Variants in GRIN3A observed in about 807,000 individuals in gnomAD.
GRIN3A encodes glutamate receptor ionotropic, NMDA 3A.
GRIN3A carries 47 observed loss-of-function variants against 92.4 expected under a neutral mutation model. The ratio of observed to expected loss-of-function variants is 0.51; its 90% confidence interval spans 0.40 to 0.65. The LOEUF (loss-of-function observed/expected upper bound fraction) is 0.65, where lower values mean the gene tolerates loss of function less well. Among genes scored for constraint, GRIN3A ranks in the 30% least tolerant of loss-of-function variants. The pLI is 0.00. For synonymous variants in GRIN3A, 527 were observed against 540.6 expected, an observed-to-expected ratio of 0.97 and a Z score of 0.35; for missense variants, 1,324 against 1,393.1, an observed-to-expected ratio of 0.95 and a Z score of 0.79.
At chr9:101,644,878 A>C (rs1286171911) in intron 3 of GRIN3A, among the ~76,000 whole-genome samples, 1 of 151,800 alleles carries the variant, frequency 6.6e-6, no homozygotes. Flanking sequence ...ATTTTTTATT[A>C]ATAGAAAATA....
intron 5 of GRIN3A, among the ~76,000 whole-genome samples, chr9:101,617,223 A>G (rs943517734): frequency 2.0e-5 from 3 of 151,074 alleles, no homozygotes; most frequent in Non-Finnish European, 4.4e-5. Context: ...AAAAAAAAAA[A>G]AAAGAAAATT....
At position 101,589,088 on chromosome 9, in the gene GRIN3A, T is replaced by C. The variant is rs112813734; in HGVS notation, c.2767-9728A>G. Among the ~76,000 whole-genome samples, 619 of 152,192 alleles carry C rather than the reference T, an allele frequency of 4.1e-3. 5 individuals carry two copies. The highest frequency in any genetic ancestry group is 0.014 in the African/African-American group (575 of 41,530). ...CTGGTTCAAATGATTCTCCTGTTTCTGCCTCCCAAGTAGCTGGGACTAAAG... is the reference window on the plus strand; with the variant it reads ...CTGGTTCAAATGATTCTCCTGTTTCCGCCTCCCAAGTAGCTGGGACTAAAG... On this transcript the variant is annotated intron_variant, in intron 6 of 8. Coordinates refer to ENST00000361820, the MANE Select transcript of GRIN3A (RefSeq NM_133445.3).
At position 101,670,924 on chromosome 9, in the gene GRIN3A, C is replaced by T; in HGVS notation, c.1488G>A (p.Trp496Ter). 2 of 1,613,744 alleles carry T rather than the reference C, an allele frequency of 1.2e-6. No individual in the cohort carries two copies. Among genetic ancestry groups the T allele is most frequent in the Non-Finnish European group, 1.7e-6 (2 of 1,179,796 alleles). ...GGKIVMDYGI[W>*]PEQAQRHKTH... Reference sequence around the variant, plus strand: ...TTTTGTGTCTCTGGGCCTGCTCTGGCCATATTCCATAGTCCATGACAATCT... The same window carrying T: ...TTTTGTGTCTCTGGGCCTGCTCTGGTCATATTCCATAGTCCATGACAATCT... The change falls in exon 3 of 9, where the codon TGG (tryptophan) becomes TGA (stop). Residue 496 changes from tryptophan to a stop codon, truncating the protein, a stop_gained. Coordinates refer to ENST00000361820, the MANE Select transcript of GRIN3A (RefSeq NM_133445.3). LOFTEE classifies it high-confidence loss of function.
Position 101,686,885 on chromosome 9 carries a change from A to G in GRIN3A, c.1015T>C (p.Phe339Leu). 6.2e-7 allele frequency: 1 copy of G among 1,614,208 alleles called. No individual in the cohort carries two copies. Residue 339 changes from phenylalanine to leucine, a missense_variant, in exon 2 of 9, where the codon TTC becomes CTC. Coordinates refer to ENST00000361820, the MANE Select transcript of GRIN3A (RefSeq NM_133445.3). ...ACCCCAAACTGGGTTGTAATTTCGA[A>G]AATCCGCCGGATACTTTCCATGTCG... Reference protein sequence around the residue: ...GCDMESIRRIFEITTQFGVMP... With the variant: ...GCDMESIRRILEITTQFGVMP...
chr9:101,693,576 G>T (rs1378867787), intron 1 of GRIN3A, among the ~76,000 whole-genome samples: 4 of 152,080 alleles, frequency 2.6e-5, no homozygotes, highest in African/African-American at 4.8e-5. Context: ...CCAATTATTT[G>T]CCAGTAATCC....
intron 6 of GRIN3A, among the ~76,000 whole-genome samples, chr9:101,608,382 C>T (rs1052658010): frequency 2.0e-5 from 3 of 152,196 alleles, no homozygotes; most frequent in African/African-American, 7.2e-5. Flanking sequence ...TCTAGAATTT[C>T]CCAACTGCCG....
chr9:101,570,398 A>G lies in GRIN3A; in HGVS notation c.*2776T>C, dbSNP rs770206244. ...ACGGAAAGGAGGTTTCCAAGGACCCACCATTTCATGACATCATTTTACAAA... is the reference window on the plus strand; with the variant it reads ...ACGGAAAGGAGGTTTCCAAGGACCCGCCATTTCATGACATCATTTTACAAA... On this transcript the variant is annotated 3_prime_UTR_variant, in exon 9 of 9. Coordinates refer to ENST00000361820, the MANE Select transcript of GRIN3A (RefSeq NM_133445.3). The G allele has an allele frequency of 6.6e-6, 1 of 152,612 alleles. No individual in the cohort carries two copies. The highest frequency in any genetic ancestry group is 1.5e-5 in the Non-Finnish European group (1 of 68,034). The allele number at this position is 152,612 out of a possible 1,614,324, so 9.5% of individuals were successfully genotyped here.
chr9:101,576,854 G>A (rs1237212238), intron 8 of GRIN3A, among the ~76,000 whole-genome samples: 28 of 152,158 alleles, frequency 1.8e-4, no homozygotes, highest in Non-Finnish European at 5.9e-5. Flanking sequence ...GGGGACTGCA[G>A]CAGTCCCAGA....
chr9:101,584,040 A>T (rs1827921336), intron 6 of GRIN3A, among the ~76,000 whole-genome samples: 1 of 152,136 alleles, frequency 6.6e-6, no homozygotes, highest in African/African-American at 2.4e-5. Flanking sequence ...TATTTTTAGT[A>T]GAGACAGGGT....
At chr9:101,579,986 C>T (rs1827868950) in intron 6 of GRIN3A, among the ~76,000 whole-genome samples, 1 of 152,106 alleles carries the variant, frequency 6.6e-6, no homozygotes, top group Admixed American at 6.5e-5. Context: ...CTCTGCTTCA[C>T]ATTTGGACAT....
chr9:101,607,304 T>C (rs542001171), intron 6 of GRIN3A, among the ~76,000 whole-genome samples: 1 of 152,166 alleles, frequency 6.6e-6, no homozygotes, highest in Admixed American at 6.5e-5. Flanking sequence ...AAAAGGCACC[T>C]AGTAATTCTA....
At chr9:101,640,311 G>C (rs558892127) in intron 3 of GRIN3A, among the ~76,000 whole-genome samples, 4 of 152,290 alleles carry the variant, frequency 2.6e-5, no homozygotes, top group African/African-American at 9.6e-5. Context: ...GTAGCATTTT[G>C]CTTTGTGAGC....
chr9:101,604,020 C>T lies in GRIN3A; in HGVS notation c.2766+9356G>A, dbSNP rs540974090. Among the ~76,000 whole-genome samples, 4 of 152,292 alleles carry T rather than the reference C, an allele frequency of 2.6e-5. No homozygotes were observed. In the East Asian group the frequency reaches 7.7e-4, roughly 29 times the overall value. ...TGGCGGTGTGGAATTGGGTATTTTT[C>T]ACAAGTCTCTCTTGAGCTCCTATGA... is the stretch of plus-strand genomic sequence containing the variant. On this transcript the variant is annotated intron_variant, in intron 6 of 8. Coordinates refer to ENST00000361820, the MANE Select transcript of GRIN3A (RefSeq NM_133445.3).
At chr9:101,629,428 T>A (rs1434570866) in intron 3 of GRIN3A, among the ~76,000 whole-genome samples, 7 of 152,198 alleles carry the variant, frequency 4.6e-5, no homozygotes, top group African/African-American at 1.7e-4. Flanking sequence ...ATCGTTCATT[T>A]ATTCAACACT....
At chr9:101,720,192 T>C (rs1238065751) in intron 1 of GRIN3A, among the ~76,000 whole-genome samples, 2 of 152,204 alleles carry the variant, frequency 1.3e-5, no homozygotes, top group African/African-American at 4.8e-5. Flanking sequence ...CCAAGGAAGA[T>C]AGGTCCTAAC....
chr9:101,737,926 C>T lies in GRIN3A; in HGVS notation c.54G>A (p.Pro18=). The change falls in exon 1 of 9, where the codon CCG becomes CCA. Residue 18 remains proline, a synonymous_variant. Transcript: ENST00000361820. ...CGGCCAGCACCAGTGCGCAGGGCGGCGGCAACAGCAGACAGACCCTGCTCA... is the reference window on the plus strand; with the variant it reads ...CGGCCAGCACCAGTGCGCAGGGCGGTGGCAACAGCAGACAGACCCTGCTCA... ...WLLSRVCLLL[P]PPCALVLAGV... is the part of the protein sequence containing the mutation. 1.3e-6 allele frequency: 2 copies of T among 1,537,180 alleles called. No individual in the cohort carries two copies. The highest frequency in any genetic ancestry group is 1.7e-6 in the Non-Finnish European group (2 of 1,148,068).
chr9:101,583,437 C>G (rs1827914348), intron 6 of GRIN3A, among the ~76,000 whole-genome samples: 1 of 152,168 alleles, frequency 6.6e-6, no homozygotes, highest in African/African-American at 2.4e-5. Context: ...CCTAGGATCA[C>G]ATTGTTTAAA....
intron 1 of GRIN3A, among the ~76,000 whole-genome samples, chr9:101,716,705 G>T (rs185544311): frequency 6.6e-6 from 1 of 152,176 alleles, no homozygotes; most frequent in African/African-American, 2.4e-5. Flanking sequence ...GCAGTGAGGC[G>T]TTTCTGGCTA....
chr9:101,594,459 C>T lies in GRIN3A; in HGVS notation c.2767-15099G>A, dbSNP rs1828080857. On this transcript the variant is annotated intron_variant, in intron 6 of 8. Transcript: ENST00000361820. ...TGGATCTCCAGGTCTCTGACCACAGCACTGAATTCCTCAAAGGATATCTTC... is the reference window on the plus strand; with the variant it reads ...TGGATCTCCAGGTCTCTGACCACAGTACTGAATTCCTCAAAGGATATCTTC... 6.2e-7 allele frequency: 1 copy of T among 1,614,012 alleles called. No individual in the cohort carries two copies.
Sources: gnomAD v4.1 joint callset for allele counts (sites outside exome capture counted in the v4.1 genomes callset) on GRCh38, gnomAD v4.1.1 for gene constraint, MANE v1.5 for transcripts, NCBI Gene and HGNC (gene_info 2026-07-23, HGNC 2026-07-21) for gene names.